MED27: variants seen among roughly 807,000 people sequenced by gnomAD.
The protein encoded by MED27 is mediator of RNA polymerase II transcription subunit 27.
A neutral mutation model predicts 38.2 loss-of-function variants in MED27; 30 were observed. That is an observed-to-expected ratio of 0.79 (90% CI 0.59 to 1.07). MED27 has a LOEUF of 1.07. Among genes scored for constraint, MED27 ranks in the 50% least tolerant of loss-of-function variants. The pLI is 0.00. For missense variants in MED27, 289 were observed against 397.5 expected (o/e 0.73, Z 2.32); for synonymous variants, 122 against 153.5 (o/e 0.79, Z 1.52).
chr9:132,077,583 C>T lies in MED27; in HGVS notation c.207G>A (p.Glu69=). 6.2e-7 allele frequency: 1 copy of T among 1,614,134 alleles called. No individual in the cohort carries two copies. The highest frequency in any genetic ancestry group is 8.5e-7 in the Non-Finnish European group (1 of 1,179,990). Residue 69 remains glutamate (E), a synonymous_variant, in exon 2 of 8, where the codon GAG becomes GAA. Transcript: ENST00000292035. ...CTACCAGATTGCTCAGACGTTCCAG[C>T]TCACTGAAAAGCAAAGAGACAAGGC... ...NLHSVNRDLN[E]LERLSNLVGK...
rs66880335 is a variant in MED27 at position 131,861,767 on chromosome 9, CTTTTTTT to C, written c.802-1102_802-1096del. Among the ~76,000 whole-genome samples, 3 of 145,170 alleles carry C rather than the reference CTTTTTTT, an allele frequency of 2.1e-5. No homozygotes were observed. Among genetic ancestry groups the C allele is most frequent in the Non-Finnish European group, 4.5e-5 (3 of 66,888 alleles). ...AGTGCTGTGACAGATGTAAATGGTT[CTTTTTTT>C]TTTTTTTTTTTTTTATGAGACCACA... On this transcript the variant is annotated intron_variant, in intron 7 of 7. Transcript: ENST00000292035. The surrounding 1 kb of genome is among the most constrained non-coding windows in gnomAD (Gnocchi z 4.4).
chr9:131,928,158 G>A (rs943404840), intron 4 of MED27, among the ~76,000 whole-genome samples: 3 of 152,146 alleles, frequency 2.0e-5, no homozygotes, highest in African/African-American at 7.2e-5. Context: ...TGTGGGCACT[G>A]CAACATCAGG....
intron 2 of MED27, among the ~76,000 whole-genome samples, chr9:132,025,947 T>C (rs994320504): frequency 1.2e-4 from 18 of 152,144 alleles, no homozygotes; most frequent in African/African-American, 3.9e-4. Context: ...TTAGAAAAGA[T>C]AGACAAGTCA....
intron 4 of MED27, among the ~76,000 whole-genome samples, chr9:131,896,547 A>G (rs933791384): frequency 6.6e-6 from 1 of 152,132 alleles, no homozygotes; most frequent in Non-Finnish European, 1.5e-5. Context: ...AAAAATATAA[A>G]TGTTTATTAT....
intron 4 of MED27, among the ~76,000 whole-genome samples, chr9:131,932,215 G>A (rs956507010): frequency 5.3e-5 from 8 of 151,760 alleles, no homozygotes; most frequent in African/African-American, 1.9e-4. Flanking sequence ...AATCAATAAC[G>A]AGAGGAATTT....
At chr9:131,904,364 T>C (rs1451676175) in intron 4 of MED27, among the ~76,000 whole-genome samples, 1 of 152,030 alleles carries the variant, frequency 6.6e-6, no homozygotes, top group Non-Finnish European at 1.5e-5. Flanking sequence ...TAAAAATTAT[T>C]AAACACCCTG....
chr9:131,984,036 T>C (rs1197972632), intron 3 of MED27, among the ~76,000 whole-genome samples: 3 of 152,164 alleles, frequency 2.0e-5, no homozygotes, highest in Non-Finnish European at 4.4e-5. Flanking sequence ...AACTTGTCTT[T>C]ACCCCCTTAT....
intron 3 of MED27, among the ~76,000 whole-genome samples, chr9:131,993,018 G>A (rs2131044585): frequency 6.6e-6 from 1 of 152,298 alleles, no homozygotes; most frequent in Middle Eastern, 3.4e-3. Flanking sequence ...TGGGGCATGG[G>A]TGACCCGGGG....
intron 4 of MED27, among the ~76,000 whole-genome samples, chr9:131,922,410 A>C (rs1339525594): frequency 1.3e-5 from 2 of 148,562 alleles, no homozygotes; most frequent in East Asian, 3.9e-4. Context: ...GGGTTTGGTG[A>C]GTAGGAGGCT....
intron 4 of MED27, among the ~76,000 whole-genome samples, chr9:131,924,867 A>G (rs567297708): frequency 2.0e-5 from 3 of 152,200 alleles, no homozygotes; most frequent in Non-Finnish European, 4.4e-5. Context: ...AAATTAATTC[A>G]TATTTATTGA....
chr9:131,881,800 C>CTTTTTTTTTTTTTCTTTTTTT (rs1839049519), intron 6 of MED27, among the ~76,000 whole-genome samples: 1 of 60,964 alleles, frequency 1.6e-5, no homozygotes, highest in Non-Finnish European at 3.0e-5. Flanking sequence ...TCTTCTTCTT[C>CTTTTTTTTTTTTTCTTTTTTT]TTTTTTTTTT....
intron 2 of MED27, among the ~76,000 whole-genome samples, chr9:132,069,766 G>A (rs1367027716): frequency 6.6e-6 from 1 of 152,174 alleles, no homozygotes; most frequent in Non-Finnish European, 1.5e-5. Flanking sequence ...AGATCACCCA[G>A]CCCAACCCTT....
chr9:132,002,815 T>C (rs1298919141), intron 3 of MED27, among the ~76,000 whole-genome samples: 1 of 148,126 alleles, frequency 6.8e-6, no homozygotes, highest in Admixed American at 7.0e-5. Context: ...CTCCAGAGGG[T>C]GACACAGCAG....
intron 4 of MED27, among the ~76,000 whole-genome samples, chr9:131,903,669 C>T (rs1829995323): frequency 6.6e-6 from 1 of 152,198 alleles, no homozygotes; most frequent in South Asian, 2.1e-4. Context: ...ACGAGAGCTA[C>T]TATTGGACAC....
intron 5 of MED27, among the ~76,000 whole-genome samples, chr9:131,888,147 T>C (rs1373094602): frequency 1.3e-5 from 2 of 152,164 alleles, no homozygotes; most frequent in Admixed American, 1.3e-4. Flanking sequence ...ACCACCTCCA[T>C]CACAACCAGC....
chr9:132,024,158 C>A (rs1157181034), intron 2 of MED27, among the ~76,000 whole-genome samples: 2 of 152,194 alleles, frequency 1.3e-5, no homozygotes, highest in African/African-American at 4.8e-5. Context: ...TTCCTCCCTT[C>A]TGAGCCACTT....
At chr9:132,064,589 C>A (rs1426590292) in intron 2 of MED27, among the ~76,000 whole-genome samples, 3 of 152,170 alleles carry the variant, frequency 2.0e-5, no homozygotes, top group Non-Finnish European at 1.5e-5. Context: ...GAGAGCACAG[C>A]CTTAGGCTAG....
intron 4 of MED27, among the ~76,000 whole-genome samples, chr9:131,902,954 G>C (rs376197873): frequency 6.6e-6 from 1 of 152,236 alleles, no homozygotes; most frequent in South Asian, 2.1e-4. Flanking sequence ...ATGTGACCTT[G>C]AACAAGTCAC....
Position 131,860,949 on chromosome 9 carries a change from C to T in MED27, c.802-277G>A, listed in dbSNP as rs534436992. Among the ~76,000 whole-genome samples the T allele has an allele frequency of 2.0e-5, 3 of 152,246 alleles. 1 individual carries two copies. In the South Asian group the frequency reaches 6.2e-4, roughly 32 times the overall value. On this transcript the variant is annotated intron_variant, in intron 7 of 7. Coordinates refer to ENST00000292035, the MANE Select transcript of MED27 (RefSeq NM_004269.4). The surrounding 1 kb of genome is among the most constrained non-coding windows in gnomAD (Gnocchi z 5.8). ...AGGCCTCCCTGGAGTCCCCGTGAAC[C>T]ACCGAGCAGCCTGGTGGTCTGGGGG...
Sources: gnomAD v4.1 joint callset for allele counts (sites outside exome capture counted in the v4.1 genomes callset) on GRCh38, gnomAD v4.1.1 for gene constraint, Gnocchi (gnomAD v3.1) non-coding constraint, MANE v1.5 for transcripts, NCBI Gene and HGNC (gene_info 2026-07-23, HGNC 2026-07-21) for gene names.